MAML3: variants seen among roughly 807,000 people sequenced by gnomAD.
The protein encoded by MAML3 is mastermind like transcriptional coactivator 3.
A neutral mutation model predicts 101.9 loss-of-function variants in MAML3; 27 were observed. That is an observed-to-expected ratio of 0.27 (90% CI 0.20 to 0.37). The LOEUF (loss-of-function observed/expected upper bound fraction) is 0.37. Ranked by LOEUF, MAML3 falls within the 10% of genes least tolerant of loss-of-function variation. The pLI, the probability that MAML3 is intolerant of heterozygous loss-of-function variation, is 1.00. For synonymous variants in MAML3, 501 were observed against 555.9 expected (o/e 0.90, Z 1.39); for missense variants, 1,316 against 1,444.9 (o/e 0.91, Z 1.45).
intron 2 of MAML3, among the ~76,000 whole-genome samples, chr4:139,840,408 G>A (rs1262039470): frequency 2.0e-5 from 3 of 152,134 alleles, no homozygotes; most frequent in Admixed American, 6.5e-5. Flanking sequence ...TTCGTGATTC[G>A]GTGGTACTCT....
chr4:139,730,883 GGC>G (rs1246552770), intron 2 of MAML3: 3 of 587,084 alleles, frequency 5.1e-6, no homozygotes, highest in Non-Finnish European at 9.1e-6. Context: ...AAGAGAGCAT[GGC>G]TCTGGGAAGT....
chr4:140,086,621 G>A (rs566588165), intron 1 of MAML3, among the ~76,000 whole-genome samples: 4 of 152,218 alleles, frequency 2.6e-5, no homozygotes, highest in Non-Finnish European at 5.9e-5. Context: ...AGACCCTCAC[G>A]AATATGGTGA....
chr4:139,887,198 C>G (rs1167638973), intron 2 of MAML3, among the ~76,000 whole-genome samples: 1 of 152,064 alleles, frequency 6.6e-6, no homozygotes, highest in Admixed American at 6.6e-5. Context: ...CAGATAAAAA[C>G]AAGAAATAAA....
intron 1 of MAML3, among the ~76,000 whole-genome samples, chr4:139,963,045 A>G (rs1194248704): frequency 1.3e-5 from 2 of 152,184 alleles, no homozygotes; most frequent in Admixed American, 1.3e-4. Context: ...ATTTCTTTTA[A>G]CATCCCTGGA....
At chr4:139,809,599 T>TG (rs1730758401) in intron 2 of MAML3, among the ~76,000 whole-genome samples, 1 of 152,122 alleles carries the variant, frequency 6.6e-6, no homozygotes, top group African/African-American at 2.4e-5. Context: ...CAAGGCAGGA[T>TG]GGGAAACAGT....
intron 1 of MAML3, among the ~76,000 whole-genome samples, chr4:140,143,881 C>T (rs1473060759): frequency 6.6e-6 from 1 of 152,216 alleles, no homozygotes; most frequent in Non-Finnish European, 1.5e-5. Flanking sequence ...CACAGCAGTC[C>T]TCTAACTTCT....
At chr4:140,132,128 G>A (rs1171179537) in intron 1 of MAML3, among the ~76,000 whole-genome samples, 1 of 152,182 alleles carries the variant, frequency 6.6e-6, no homozygotes, top group East Asian at 1.9e-4. Context: ...CAGCTTGTAC[G>A]GACCTCTTAC....
chr4:140,037,743 A>T (rs779553303), intron 1 of MAML3, among the ~76,000 whole-genome samples: 1 of 152,238 alleles, frequency 6.6e-6, no homozygotes, highest in Non-Finnish European at 1.5e-5. Context: ...GTTACATATG[A>T]CCCTAAGGTA....
At chr4:139,750,077 C>G (rs960479353) in intron 2 of MAML3, among the ~76,000 whole-genome samples, 1 of 152,150 alleles carries the variant, frequency 6.6e-6, no homozygotes, top group Non-Finnish European at 1.5e-5. Flanking sequence ...GTGAAACACA[C>G]AAGAAACTCT....
chr4:139,742,144 CTTTTCTTT>C (rs760471129), intron 2 of MAML3, among the ~76,000 whole-genome samples: 8,048 of 128,486 alleles, frequency 0.063, 351 homozygotes, highest in Admixed American at 0.16. Context: ...CTTTTCTTTT[CTTTTCTTT>C]TTTTTTTTTT....
chr4:139,857,113 A>G (rs1731675493), intron 2 of MAML3, among the ~76,000 whole-genome samples: 1 of 152,250 alleles, frequency 6.6e-6, no homozygotes, highest in Admixed American at 6.5e-5. Context: ...TTAAACACCA[A>G]CAAGAAAGAG....
rs186388438 is a variant in MAML3, at chr4:139,890,793, C to T, written c.643G>A (p.Ala215Thr). 1.2e-6 allele frequency: 2 copies of T among 1,614,044 alleles called. No individual in the cohort carries two copies. The highest frequency in any genetic ancestry group is 3.3e-5 in the Admixed American group (2 of 60,024). ...AGGTCAAGTTGGTGAAGAGGAGAAG[C>T]TGAAGGCAGTGGCATGTTACTGGGC... is the stretch of plus-strand genomic sequence containing the variant. ...NLPSNMPLPSASPLHQLDLKP... is the reference protein window; with the variant it reads ...NLPSNMPLPSTSPLHQLDLKP... The change falls in exon 2 of 5, where the codon GCT (alanine) becomes ACT (threonine). Residue 215 changes from alanine (A) to threonine (T), a missense_variant. Transcript: ENST00000509479. This position sits in a 1 kb window ranked among gnomAD's most constrained non-coding sequence, Gnocchi z 4.1.
intron 1 of MAML3, among the ~76,000 whole-genome samples, chr4:140,123,899 G>A (rs1457370673): frequency 6.6e-6 from 1 of 152,186 alleles, no homozygotes; most frequent in Admixed American, 6.5e-5. Flanking sequence ...GTGGTGCGAG[G>A]TGAGACCTTT....
chr4:139,764,932 G>A (rs1179353109), intron 2 of MAML3, among the ~76,000 whole-genome samples: 1 of 137,886 alleles, frequency 7.3e-6, no homozygotes, highest in Non-Finnish European at 1.6e-5. Flanking sequence ...CCCAATGCAG[G>A]GCTGGGCCTG....
At chr4:140,122,779 G>A (rs1335303345) in intron 1 of MAML3, among the ~76,000 whole-genome samples, 27 of 113,214 alleles carry the variant, frequency 2.4e-4, no homozygotes, top group Non-Finnish European at 3.3e-4. Flanking sequence ...GCGACAGAGC[G>A]AGACTCCGTC....
rs796778906 is a variant in MAML3, at chr4:139,832,285, T to TA, written c.2079+57071_2079+57072insT. Among the ~76,000 whole-genome samples, 144 of 144,884 alleles carry TA rather than the reference T, an allele frequency of 9.9e-4. 1 individual carries two copies. Among genetic ancestry groups the TA allele is most frequent in the African/African-American group, 4.0e-3 (141 of 35,330 alleles). On this transcript the variant is annotated intron_variant, in intron 2 of 4. Coordinates refer to ENST00000509479, the MANE Select transcript of MAML3 (RefSeq NM_018717.5). ...ACGCCCAGCTATTTTTTTTTTTATTTTTATTTTTAGTAGACAGGGTTTTGC... is the reference window on the plus strand; with the variant it reads ...ACGCCCAGCTATTTTTTTTTTTATTTATTATTTTTAGTAGACAGGGTTTTGC...
chr4:139,996,892 C>T (rs1734827972), intron 1 of MAML3, among the ~76,000 whole-genome samples: 1 of 152,008 alleles, frequency 6.6e-6, no homozygotes, highest in South Asian at 2.1e-4. Flanking sequence ...AACCCCATCT[C>T]TACTAAAATA....
At chr4:140,134,962 C>A (rs1278620937) in intron 1 of MAML3, among the ~76,000 whole-genome samples, 1 of 152,170 alleles carries the variant, frequency 6.6e-6, no homozygotes, top group Admixed American at 6.5e-5. Flanking sequence ...ACCGAGTAGC[C>A]CTGCTGGATC....
At chr4:140,028,135 A>G (rs1189675128) in intron 1 of MAML3, among the ~76,000 whole-genome samples, 1 of 152,218 alleles carries the variant, frequency 6.6e-6, no homozygotes, top group African/African-American at 2.4e-5. Context: ...TTAATTATTC[A>G]GGGGCTCTTG....
Sources: allele counts gnomAD v4.1 joint callset (sites outside exome capture counted in the v4.1 genomes callset), GRCh38; gene constraint gnomAD v4.1.1; non-coding constraint Gnocchi (gnomAD v3.1); transcripts MANE v1.5; gene names NCBI Gene and HGNC (gene_info 2026-07-23, HGNC 2026-07-21).